The following UVRAG variants were observed in gnomAD, a reference collection of about 807,000 sequenced individuals.
The protein encoded by UVRAG is UV radiation resistance-associated gene protein.
Under a neutral mutation model 78.0 loss-of-function variants are expected in UVRAG, and 19 were observed. That is an observed-to-expected ratio of 0.24 (90% CI 0.17 to 0.36). The LOEUF (loss-of-function observed/expected upper bound fraction) is 0.36. Among genes scored for constraint, UVRAG ranks in the 10% least tolerant of loss-of-function variants. The probability of loss-of-function intolerance (pLI) is 1.00; values close to 1 mark genes in which losing one functional copy is unlikely to be tolerated. For synonymous variants in UVRAG, 323 were observed against 324.6 expected (o/e 1.00, Z 0.05); for missense variants, 740 against 853.8 (o/e 0.87, Z 1.66).
intron 13 of UVRAG, among the ~76,000 whole-genome samples, chr11:76,069,137 A>G (rs1035858830): frequency 6.6e-6 from 1 of 152,248 alleles, no homozygotes; most frequent in African/African-American, 2.4e-5. Context: ...AGAATTTAGT[A>G]ATATTTGTTA....
intron 1 of UVRAG, among the ~76,000 whole-genome samples, chr11:75,839,454 TTAATG>T (rs1352615399): frequency 6.6e-6 from 1 of 151,670 alleles, no homozygotes; most frequent in Non-Finnish European, 1.5e-5. Flanking sequence ...CTTCTGGAAT[TTAATG>T]TAAGGCATAG....
chr11:76,000,760 T>C (rs1949799266), intron 8 of UVRAG, among the ~76,000 whole-genome samples: 1 of 152,196 alleles, frequency 6.6e-6, no homozygotes, highest in Admixed American at 6.5e-5. Flanking sequence ...CAAGGATTAC[T>C]ACCTGGAATA....
At chr11:75,961,419 A>G (rs780251839) in intron 6 of UVRAG, 25 bp from the exon 7 acceptor site, 2 of 1,563,014 alleles carry the variant, frequency 1.3e-6, no homozygotes, top group East Asian at 2.3e-5. Context: ...ACTCATTTAC[A>G]TTTTTCTATA....
At chr11:76,135,587 A>C (rs1322180207) in intron 14 of UVRAG, among the ~76,000 whole-genome samples, 4 of 152,246 alleles carry the variant, frequency 2.6e-5, no homozygotes, top group Admixed American at 2.6e-4. Context: ...TAGCCTAGTA[A>C]ATTTGCAATT....
At chr11:75,819,580 A>G (rs1945341635) in intron 1 of UVRAG, among the ~76,000 whole-genome samples, 1 of 152,052 alleles carries the variant, frequency 6.6e-6, no homozygotes, top group African/African-American at 2.4e-5. Flanking sequence ...TCCTGGCCTC[A>G]GGTGATCCGC....
chr11:76,044,123 G>C (rs962078420), intron 12 of UVRAG, among the ~76,000 whole-genome samples: 2 of 152,146 alleles, frequency 1.3e-5, no homozygotes, highest in African/African-American at 2.4e-5. Context: ...GATGGTTGTT[G>C]GAATGTCAGT....
At chr11:75,839,925 AC>A (rs1245384646) in intron 1 of UVRAG, among the ~76,000 whole-genome samples, 2 of 151,612 alleles carry the variant, frequency 1.3e-5, no homozygotes, top group Non-Finnish European at 2.9e-5. Context: ...GGTACCTGTT[AC>A]CCCACTTCAA....
chr11:75,963,448 T>A (rs1948948903), intron 7 of UVRAG, among the ~76,000 whole-genome samples: 1 of 152,238 alleles, frequency 6.6e-6, no homozygotes, highest in Admixed American at 6.5e-5. Context: ...TACATGTTAA[T>A]TAGTCAGTCA....
chr11:75,872,452 G>A, intron 3 of UVRAG, among the ~76,000 whole-genome samples: 1 of 149,422 alleles, frequency 6.7e-6, no homozygotes, highest in East Asian at 2.0e-4. Flanking sequence ...GCAGTAGTGC[G>A]ATCTCGGCTC....
intron 2 of UVRAG, among the ~76,000 whole-genome samples, chr11:75,860,891 T>C (rs1946406469): frequency 6.6e-6 from 1 of 151,968 alleles, no homozygotes; most frequent in South Asian, 2.1e-4. Context: ...GTTCAAGCAA[T>C]TCTCCTGCTT....
chr11:75,872,534 C>T (rs967831384), intron 3 of UVRAG, among the ~76,000 whole-genome samples: 6 of 151,964 alleles, frequency 3.9e-5, no homozygotes, highest in South Asian at 2.1e-4. Context: ...GATACAGGCG[C>T]GCCCCACCAC....
chr11:75,917,226 G>C (rs1450177656), intron 6 of UVRAG, among the ~76,000 whole-genome samples: 2 of 152,202 alleles, frequency 1.3e-5, no homozygotes, highest in Non-Finnish European at 2.9e-5. Flanking sequence ...GCTACATGTT[G>C]ATTGATTTCT....
At chr11:75,984,169 A>G (rs1455235472) in intron 8 of UVRAG, among the ~76,000 whole-genome samples, 1 of 152,166 alleles carries the variant, frequency 6.6e-6, no homozygotes, top group East Asian at 1.9e-4. Flanking sequence ...AGTATGTGGT[A>G]TGATATTTTC....
At chr11:76,062,950 G>A (rs1392837754) in intron 12 of UVRAG, among the ~76,000 whole-genome samples, 2 of 152,138 alleles carry the variant, frequency 1.3e-5, no homozygotes, top group African/African-American at 4.8e-5. Context: ...GTACAAAGTA[G>A]TTATCACTAT....
At chr11:76,132,719 C>T (rs1952534106) in intron 14 of UVRAG, among the ~76,000 whole-genome samples, 1 of 152,086 alleles carries the variant, frequency 6.6e-6, no homozygotes, top group Admixed American at 6.5e-5. Flanking sequence ...CTTAGAATGC[C>T]TAACAGTATA....
intron 7 of UVRAG, among the ~76,000 whole-genome samples, chr11:75,971,548 G>A (rs979489881): frequency 3.3e-5 from 5 of 152,164 alleles, no homozygotes; most frequent in East Asian, 1.9e-4. Flanking sequence ...GTATGTAGTC[G>A]TATCACATTG....
In UVRAG at chr11:76,053,916, G is replaced by A. The variant is rs542357685; in HGVS notation, c.1227-11794G>A. Among the ~76,000 whole-genome samples the A allele has an allele frequency of 2.7e-4, 40 of 146,700 alleles. No homozygotes were observed. The Middle Eastern group carries it at 0.011, about 41-fold the overall frequency. On this transcript the variant is annotated intron_variant, in intron 12 of 14. Coordinates refer to ENST00000356136, the MANE Select transcript of UVRAG (RefSeq NM_003369.4). Reference sequence around the variant, plus strand: ...ACCTGGGAAGCGGAGGTTGCAGTGAGCCGAGATTGCGCCACTGCACTCCAG... The same window carrying A: ...ACCTGGGAAGCGGAGGTTGCAGTGAACCGAGATTGCGCCACTGCACTCCAG...
At chr11:75,965,554 G>T (rs1255403902) in intron 7 of UVRAG, among the ~76,000 whole-genome samples, 1 of 152,060 alleles carries the variant, frequency 6.6e-6, no homozygotes, top group Non-Finnish European at 1.5e-5. Context: ...TGACCTCGTG[G>T]TCTGCCCGCC....
At position 76,018,882 on chromosome 11, in the gene UVRAG, T is replaced by C. The variant is rs185409863; in HGVS notation, c.1226+1902T>C. On this transcript the variant is annotated intron_variant, in intron 12 of 14. Coordinates refer to ENST00000356136, the MANE Select transcript of UVRAG (RefSeq NM_003369.4). Reference sequence around the variant, plus strand: ...CTTCTTGTACTTGAATATTGATATTTTTTCCTAGGTTTGGGAAGTTCTCTG... The same window carrying C: ...CTTCTTGTACTTGAATATTGATATTCTTTCCTAGGTTTGGGAAGTTCTCTG... Among the ~76,000 whole-genome samples, 6 of 152,320 alleles carry C rather than the reference T, an allele frequency of 3.9e-5. No homozygotes were observed. The East Asian group carries it at 1.2e-3, about 29-fold the overall frequency.
Sources: gnomAD v4.1 joint callset for allele counts (sites outside exome capture counted in the v4.1 genomes callset) on GRCh38, gnomAD v4.1.1 for gene constraint, MANE v1.5 for transcripts, NCBI Gene and HGNC (gene_info 2026-07-23, HGNC 2026-07-21) for gene names.